Variants in GDPD1 observed in about 807,000 individuals in gnomAD.
GDPD1 encodes the protein lysophospholipase D GDPD1.
In GDPD1, 28 loss-of-function variants were observed where a neutral mutation model predicts 45.1. The observed-to-expected ratio is 0.62, with a 90% CI of 0.46 to 0.85. The LOEUF (loss-of-function observed/expected upper bound fraction) is 0.85, where lower values mean the gene tolerates loss of function less well. Among genes scored for constraint, GDPD1 ranks in the 40% least tolerant of loss-of-function variants. The probability of loss-of-function intolerance (pLI) is 0.00; values close to 1 mark genes in which losing one functional copy is unlikely to be tolerated. For synonymous variants in GDPD1, 139 were observed against 131.4 expected, an observed-to-expected ratio of 1.06 and a Z score of -0.40; for missense variants, 256 against 364.8, an observed-to-expected ratio of 0.70 and a Z score of 2.43.
At chr17:59,255,793 ATATG>A (rs1165982852) in intron 4 of GDPD1, among the ~76,000 whole-genome samples, 16 of 65,682 alleles carry the variant, frequency 2.4e-4, no homozygotes, top group East Asian at 8.1e-4. Flanking sequence ...ATACGCGTAT[ATATG>A]TATATATATA....
chr17:59,267,449 T>C (rs972116839), intron 7 of GDPD1, among the ~76,000 whole-genome samples: 1 of 152,158 alleles, frequency 6.6e-6, no homozygotes, highest in Non-Finnish European at 1.5e-5. Flanking sequence ...ATAATTATTT[T>C]ATTCTCACAT....
chr17:59,231,388 A>G (rs1038429588), intron 1 of GDPD1, among the ~76,000 whole-genome samples: 3 of 134,962 alleles, frequency 2.2e-5, no homozygotes, highest in Admixed American at 1.7e-4. Flanking sequence ...GTGCAGTGGC[A>G]CGATCTCAGC....
intron 6 of GDPD1, among the ~76,000 whole-genome samples, chr17:59,262,639 G>GT (rs71145546): frequency 0.52 from 74,089 of 143,678 alleles, 20,966 homozygotes; most frequent in Non-Finnish European, 0.65. Flanking sequence ...GTTTTTTTTT[G>GT]TTTTTTTTTT....
chr17:59,272,097 C>G (rs762042638), intron 8 of GDPD1, among the ~76,000 whole-genome samples: 1 of 151,836 alleles, frequency 6.6e-6, no homozygotes, highest in African/African-American at 2.4e-5. Context: ...TTTTTCAACC[C>G]TATTAACTGA....
In GDPD1 at chr17:59,245,548, G is replaced by C. The variant is rs1396788973; in HGVS notation, c.320G>C (p.Cys107Ser). Residue 107 changes from cysteine (C) to serine (S), a missense_variant and splice_region_variant, in exon 3 of 10, where the codon TGT becomes TCT. Coordinates refer to ENST00000284116, the MANE Select transcript of GDPD1 (RefSeq NM_182569.4). The stretch of plus-strand genomic sequence containing the variant: ...GTAAACATCTCTGATCTCAAATACT[G>C]TGTAAGTAAAAATGCATGATAAACT... ...VNVNISDLKY[C>S]ELPPYLGKLD... is the part of the protein sequence containing the mutation. 6.2e-7 allele frequency: 1 copy of C among 1,600,340 alleles called. No individual in the cohort carries two copies. Among genetic ancestry groups the C allele is most frequent in the South Asian group, 1.1e-5 (1 of 88,026 alleles).
rs1252221584 is a variant in GDPD1, at chr17:59,255,838, T to C, written c.368-1284T>C. Among the ~76,000 whole-genome samples, 77 of 88,368 alleles carry C rather than the reference T, an allele frequency of 8.7e-4. 2 individuals are homozygous for C. The highest frequency in any genetic ancestry group is 5.2e-3 in the African/African-American group (76 of 14,732). The allele number at this position is 88,368 out of a possible 152,430, so 58.0% of individuals were successfully genotyped here. A position where few individuals can be genotyped will look rare whatever the true frequency, so the allele number is the denominator to read the frequency against. On this transcript the variant is annotated intron_variant, in intron 4 of 9. Transcript: ENST00000284116. Reference sequence around the variant, plus strand: ...GCGTATATATATATACGCGTATATATATATATATATATACACACGTATATA... The same window carrying C: ...GCGTATATATATATACGCGTATATACATATATATATATACACACGTATATA...
At chr17:59,242,116 G>C (rs956786554) in intron 2 of GDPD1, among the ~76,000 whole-genome samples, 1 of 152,132 alleles carries the variant, frequency 6.6e-6, no homozygotes, top group African/African-American at 2.4e-5. Flanking sequence ...AGGCTGGAGT[G>C]CAGTGGCATA....
intron 2 of GDPD1, among the ~76,000 whole-genome samples, chr17:59,240,530 GAGTAC>G (rs1319382376): frequency 2.6e-4 from 39 of 151,472 alleles, no homozygotes. Flanking sequence ...TCTTAGGCTG[GAGTAC>G]AGTGGCATGA....
chr17:59,221,050 G>T (rs991827289), intron 1 of GDPD1, among the ~76,000 whole-genome samples: 1 of 152,100 alleles, frequency 6.6e-6, no homozygotes, highest in Admixed American at 6.5e-5. Context: ...GTTTCTCGGC[G>T]GATGGAAGGA....
rs1452843412 is a variant in GDPD1 at position 59,274,711 on chromosome 17, G to A, written c.*938G>A. ...GAGAATGGCGTGAACCCGGGAGGCG[G>A]AGCTTGCAGTGAGCCGAGATCGCGC... is the stretch of plus-strand genomic sequence containing the variant. On this transcript the variant is annotated 3_prime_UTR_variant, in exon 10 of 10. Coordinates refer to ENST00000284116, the MANE Select transcript of GDPD1 (RefSeq NM_182569.4). Among the ~76,000 whole-genome samples the A allele has an allele frequency of 6.6e-6, 1 of 150,568 alleles. No homozygotes were observed. The highest frequency in any genetic ancestry group is 1.5e-5 in the Non-Finnish European group (1 of 67,670).
rs553192288 is a variant in GDPD1 at position 59,236,481 on chromosome 17, TTTG to T, written c.185+1968_185+1970del. Among the ~76,000 whole-genome samples, 74 of 151,860 alleles carry T rather than the reference TTTG, an allele frequency of 4.9e-4. 1 individual carries two copies. The highest frequency in any genetic ancestry group is 1.1e-3 in the Admixed American group (17 of 15,188). On this transcript the variant is annotated intron_variant, in intron 2 of 9. Coordinates refer to ENST00000284116, the MANE Select transcript of GDPD1 (RefSeq NM_182569.4). ...GGGAACACCTCTTTCACATGCTATT[TTTG>T]TTGTTGTTGTTGTTGTTGTTTGTTT...
intron 6 of GDPD1, among the ~76,000 whole-genome samples, chr17:59,261,907 T>G (rs1269428571): frequency 1.4e-5 from 2 of 143,946 alleles, no homozygotes; most frequent in Non-Finnish European, 3.0e-5. Flanking sequence ...GTGCTGAGAT[T>G]ACAGGCTTTT....
chr17:59,234,182 C>T (rs2047113473), intron 1 of GDPD1, among the ~76,000 whole-genome samples: 2 of 151,610 alleles, frequency 1.3e-5, no homozygotes, highest in Non-Finnish European at 2.9e-5. Context: ...CCCGTCTCTA[C>T]TAAAAATACA....
intron 2 of GDPD1, among the ~76,000 whole-genome samples, chr17:59,241,726 C>G (rs74444925): frequency 6.6e-6 from 1 of 151,776 alleles, no homozygotes; most frequent in African/African-American, 2.4e-5. Flanking sequence ...TTCAGGAGTT[C>G]GAGACCACTC....
intron 3 of GDPD1, among the ~76,000 whole-genome samples, chr17:59,247,821 G>T (rs146407771): frequency 2.0e-5 from 3 of 151,898 alleles, no homozygotes; most frequent in African/African-American, 7.3e-5. Context: ...GTAGAGACAG[G>T]GTTTCACCAT....
intron 4 of GDPD1, among the ~76,000 whole-genome samples, chr17:59,251,991 CAAAAAAA>C (rs34224346): frequency 6.6e-5 from 4 of 60,922 alleles, no homozygotes; most frequent in South Asian, 1.5e-3. Flanking sequence ...GACTCAGTCT[CAAAAAAA>C]AAAAAAAAAA....
chr17:59,225,652 A>T (rs192490491), intron 1 of GDPD1, among the ~76,000 whole-genome samples: 62 of 150,880 alleles, frequency 4.1e-4, no homozygotes. Context: ...GATACTTTAA[A>T]ACTACACAAA....
At chr17:59,228,658 G>C (rs903365675) in intron 1 of GDPD1, among the ~76,000 whole-genome samples, 4 of 151,962 alleles carry the variant, frequency 2.6e-5, no homozygotes, top group Non-Finnish European at 2.9e-5. Context: ...TGAGGCAGGA[G>C]GATTGCTTGA....
intron 2 of GDPD1, among the ~76,000 whole-genome samples, chr17:59,235,097 C>T (rs1022093614): frequency 5.9e-5 from 9 of 151,732 alleles, no homozygotes; most frequent in East Asian, 5.8e-4. Flanking sequence ...ATTAATACCT[C>T]GTTCTTTGTC....
Sources: allele counts gnomAD v4.1 joint callset (sites outside exome capture counted in the v4.1 genomes callset), GRCh38; gene constraint gnomAD v4.1.1; transcripts MANE v1.5; gene names NCBI Gene and HGNC (gene_info 2026-07-23, HGNC 2026-07-21).